The following HUS1 variants were observed in gnomAD, a reference collection of about 807,000 sequenced individuals.
The protein encoded by HUS1 is HUS1 checkpoint clamp component, also known as checkpoint protein HUS1.
A neutral mutation model predicts 32.6 loss-of-function variants in HUS1; 31 were observed. The ratio of observed to expected loss-of-function variants is 0.95; its 90% CI spans 0.72 to 1.28. The LOEUF (loss-of-function observed/expected upper bound fraction) is 1.28. Among genes scored for constraint, HUS1 ranks in the 50% most tolerant of loss-of-function variants. The probability of loss-of-function intolerance (pLI) is 0.00; values close to 1 mark genes in which losing one functional copy is unlikely to be tolerated. For missense variants in HUS1, 340 were observed against 337.7 expected (o/e 1.01, Z -0.05); for synonymous variants, 123 against 116.6 (o/e 1.06, Z -0.36).
intron 5 of HUS1, chr7:47,971,591 T>C (rs567479158): frequency 2.2e-6 from 1 of 455,682 alleles, no homozygotes; most frequent in African/African-American, 2.0e-5. Context: ...GCACCTACAA[T>C]GAAATTTCCT....
chr7:47,965,507 G>A lies in HUS1; in HGVS notation c.761-69C>T. Reference sequence around the variant, plus strand: ...ACACATTTTGATCTCTACTTTTTCAGAACAGCCTTCCCAGCCTGCACCTCC... The same window carrying A: ...ACACATTTTGATCTCTACTTTTTCAAAACAGCCTTCCCAGCCTGCACCTCC... On this transcript the variant is annotated intron_variant, in intron 7 of 7. Coordinates refer to ENST00000258774, the MANE Select transcript of HUS1 (RefSeq NM_004507.4). 5.2e-6 allele frequency: 6 copies of A among 1,144,868 alleles called. No individual in the cohort carries two copies. The Admixed American group carries it at 7.1e-5, about 14-fold the overall frequency. 70.9% of individuals were successfully genotyped at this position (1,144,868 alleles called of 1,614,324 possible). A position where few individuals can be genotyped will look rare whatever the true frequency, so the allele number is the denominator to read the frequency against.
At chr7:47,974,883 T>C (rs1788668284) in intron 5 of HUS1, among the ~76,000 whole-genome samples, 1 of 152,068 alleles carries the variant, frequency 6.6e-6, no homozygotes, top group Non-Finnish European at 1.5e-5. Context: ...GTGCTTGGAA[T>C]AAAGGCTGCT....
At chr7:47,978,077 G>A (rs1260529050) in intron 3 of HUS1, among the ~76,000 whole-genome samples, 1 of 151,420 alleles carries the variant, frequency 6.6e-6, no homozygotes, top group African/African-American at 2.4e-5. Context: ...TATAGCAGAT[G>A]AGGCAGGGTG....
Position 47,964,940 on chromosome 7 carries a change from G to C in HUS1, c.*416C>G. ...AGCAGCGGGGTGAACACACTGAAATGCAAGACTGACTGTGCGCTACAGGCC... is the reference window on the plus strand; with the variant it reads ...AGCAGCGGGGTGAACACACTGAAATCCAAGACTGACTGTGCGCTACAGGCC... On this transcript the variant is annotated 3_prime_UTR_variant, in exon 8 of 8. Coordinates refer to ENST00000258774, the MANE Select transcript of HUS1 (RefSeq NM_004507.4). 1 of 168,384 alleles carries C rather than the reference G, an allele frequency of 5.9e-6. No homozygotes were observed. The highest frequency in any genetic ancestry group is 1.5e-4 in the South Asian group (1 of 6,818). The allele number at this position is 168,384 out of a possible 1,614,324, so 10.4% of individuals were successfully genotyped here. A position where few individuals can be genotyped will look rare whatever the true frequency, so the allele number is the denominator to read the frequency against.
intron 5 of HUS1, among the ~76,000 whole-genome samples, chr7:47,970,338 C>G (rs184745907): frequency 1.3e-5 from 2 of 149,994 alleles, no homozygotes; most frequent in African/African-American, 2.5e-5. Context: ...CCAGAGAGCA[C>G]GCACATAAAA....
At chr7:47,978,995 T>C (rs1366745166) in intron 1 of HUS1, 179 bp from the exon 2 acceptor site, 4 of 614,104 alleles carry the variant, frequency 6.5e-6, no homozygotes, top group Non-Finnish European at 1.1e-5. Context: ...CCCAACAAAC[T>C]AGGGGAGATG....
At position 47,965,381 on chromosome 7, in the gene HUS1, T is replaced by C; in HGVS notation, c.818A>G (p.Gln273Arg). The part of the protein sequence containing the change: ...FDLLHEDVSL[Q>R]YFIPALS ...CTAGGACAGCGCAGGGATGAAATAC[T>C]GAAGGGACACGTCTTCATGAAGCAG... The change falls in exon 8 of 8, where the codon CAG becomes CGG. Residue 273 changes from glutamine to arginine, a missense_variant. Coordinates refer to ENST00000258774, the MANE Select transcript of HUS1 (RefSeq NM_004507.4). 1 of 1,613,442 alleles carries C rather than the reference T, an allele frequency of 6.2e-7. No individual in the cohort carries two copies.
At position 47,969,201 on chromosome 7, in the gene HUS1, AC is replaced by A. The variant is rs757766022; in HGVS notation, c.640+17del. 8.0e-7 allele frequency: 1 copy of A among 1,255,366 alleles called. No homozygotes were observed. Among genetic ancestry groups the A allele is most frequent in the South Asian group, 1.3e-5 (1 of 79,098 alleles). 77.8% of individuals were successfully genotyped at this position (1,255,366 alleles called of 1,614,324 possible). ...ATTAACTTATCCAAAGCAAAATATA[AC>A]CCACTAGAAAACTTACCTAATGGAG... On this transcript the variant is annotated intron_variant, in intron 6 of 7. Transcript: ENST00000258774.
At chr7:47,978,878 T>C in intron 1 of HUS1, 62 bp from the exon 2 acceptor site, 1 of 1,519,244 alleles carries the variant, frequency 6.6e-7, no homozygotes, top group Non-Finnish European at 8.9e-7. Flanking sequence ...AGAGACCAAC[T>C]TATTTTGCAG....
intron 5 of HUS1, chr7:47,971,517 C>G (rs1443644969): frequency 4.4e-6 from 2 of 456,728 alleles, no homozygotes; most frequent in South Asian, 3.1e-5. Flanking sequence ...TGGATGGAAC[C>G]TAGAAGTGAA....
chr7:47,967,375 T>C (rs1266675541), intron 7 of HUS1, among the ~76,000 whole-genome samples: 5 of 152,182 alleles, frequency 3.3e-5, no homozygotes, highest in Non-Finnish European at 7.3e-5. Context: ...CAGGCCAGCA[T>C]AGCCACAGAA....
chr7:47,975,176 G>C (rs1788674933), intron 5 of HUS1, among the ~76,000 whole-genome samples: 27 of 151,874 alleles, frequency 1.8e-4, no homozygotes, highest in Admixed American at 1.8e-3. Flanking sequence ...AAATTAGCCA[G>C]GCATGGTGGC....
intron 4 of HUS1, chr7:47,976,282 T>A (rs970440789): frequency 7.4e-5 from 33 of 446,990 alleles, no homozygotes; most frequent in African/African-American, 5.0e-4. Context: ...TTTGGCATCA[T>A]CTTTACTTTC....
In HUS1 at chr7:47,975,632, T is replaced by TTC. The variant is rs1377503473; in HGVS notation, c.519_520dup (p.Lys174ArgfsTer14). On this transcript the variant is annotated frameshift_variant, in exon 5 of 8. Transcript: ENST00000258774. LOFTEE classifies it high-confidence loss of function. ...ACTTACAAGGTGATTGCTGATGTTTTTCATTTTTTCCACAACACTCTTCAT... is the reference window on the plus strand; with the variant it reads ...ACTTACAAGGTGATTGCTGATGTTTTTCTCATTTTTTCCACAACACTCTTCAT... 1.6e-5 allele frequency: 26 copies of TTC among 1,604,914 alleles called. No homozygotes were observed. The highest frequency in any genetic ancestry group is 2.1e-5 in the Non-Finnish European group (25 of 1,172,182).
chr7:47,975,234 C>T (rs1459937179), intron 5 of HUS1, among the ~76,000 whole-genome samples: 1 of 149,986 alleles, frequency 6.7e-6, no homozygotes, highest in Non-Finnish European at 1.5e-5. Context: ...GGGAGAATGG[C>T]ATGAACCCGG....
Position 47,976,710 on chromosome 7 carries a change from G to A in HUS1, c.465+20C>T. On this transcript the variant is annotated intron_variant, in intron 4 of 7. Transcript: ENST00000258774. ...GCCATTTAATGTGGGGTGTACAGCA[G>A]GACTGCAGGCATCACCTACATCAGG... is the stretch of plus-strand genomic sequence containing the variant. The A allele has an allele frequency of 7.7e-7, 1 of 1,298,906 alleles. No individual in the cohort carries two copies. The highest frequency in any genetic ancestry group is 1.1e-6 in the Non-Finnish European group (1 of 892,386). 80.5% of individuals were successfully genotyped at this position (1,298,906 alleles called of 1,614,324 possible). A position where few individuals can be genotyped will look rare whatever the true frequency, so the allele number is the denominator to read the frequency against.
intron 4 of HUS1, 145 bp downstream of exon 4, chr7:47,976,585 G>A (rs1788708820): frequency 1.5e-6 from 1 of 659,994 alleles, no homozygotes; most frequent in African/African-American, 1.8e-5. Flanking sequence ...GATGCTTTAT[G>A]TAAATAACAA....
intron 5 of HUS1, among the ~76,000 whole-genome samples, 194 bp downstream of exon 5, chr7:47,975,419 G>C (rs1397640013): frequency 2.0e-5 from 3 of 151,970 alleles, no homozygotes; most frequent in Admixed American, 6.6e-5. Flanking sequence ...CAAAGAATTA[G>C]AGTTGAAAAG....
At chr7:47,974,511 C>G (rs994921858) in intron 5 of HUS1, among the ~76,000 whole-genome samples, 1 of 152,156 alleles carries the variant, frequency 6.6e-6, no homozygotes, top group African/African-American at 2.4e-5. Flanking sequence ...AATACCAGAA[C>G]CCAGCCTCGT....
Sources: allele counts gnomAD v4.1 joint callset (sites outside exome capture counted in the v4.1 genomes callset), GRCh38; gene constraint gnomAD v4.1.1; transcripts MANE v1.5; gene names NCBI Gene and HGNC (gene_info 2026-07-23, HGNC 2026-07-21).